TMC1: variants seen among roughly 807,000 people sequenced by gnomAD.
TMC1 encodes the protein transmembrane channel-like protein 1.
TMC1 carries 84 observed loss-of-function variants against 105.8 expected under a neutral mutation model. The observed-to-expected ratio is 0.79, with a 90% CI of 0.67 to 0.95. TMC1 has a LOEUF of 0.95. Among genes scored for constraint, TMC1 ranks in the 40% least tolerant of loss-of-function variants. The pLI, the probability that TMC1 is intolerant of heterozygous loss-of-function variation, is 0.00. For missense variants in TMC1, 817 were observed against 914.1 expected, an observed-to-expected ratio of 0.89 and a Z score of 1.37; for synonymous variants, 315 against 311.5, an observed-to-expected ratio of 1.01 and a Z score of -0.12.
chr9:72,777,246 G>T (rs1248802697), intron 13 of TMC1, among the ~76,000 whole-genome samples: 1 of 152,058 alleles, frequency 6.6e-6, no homozygotes, highest in East Asian at 1.9e-4. Flanking sequence ...CATGTCTCTT[G>T]ACATCCTTAA....
chr9:72,590,592 A>G (rs1824622619), intron 2 of TMC1, among the ~76,000 whole-genome samples: 1 of 152,208 alleles, frequency 6.6e-6, no homozygotes, highest in Admixed American at 6.5e-5. Context: ...GCTCACCTCA[A>G]AAGGTTGTTC....
chr9:72,818,857 CTTGAG>C (rs1366563280), intron 19 of TMC1: 3 of 152,006 alleles, frequency 2.0e-5, no homozygotes. Flanking sequence ...GCTTATGGCT[CTTGAG>C]TTATTTGTTT....
chr9:72,754,535 C>A (rs1042994981), intron 11 of TMC1, among the ~76,000 whole-genome samples: 2 of 152,114 alleles, frequency 1.3e-5, no homozygotes, highest in African/African-American at 4.8e-5. Flanking sequence ...CCTCAGAAAG[C>A]CCTCTGGGGA....
intron 8 of TMC1, among the ~76,000 whole-genome samples, chr9:72,723,812 T>A (rs553274121): frequency 6.6e-6 from 1 of 152,360 alleles, no homozygotes; most frequent in East Asian, 1.9e-4. Flanking sequence ...ATTTGTTTAA[T>A]CTTTCTTAGT....
chr9:72,767,264 A>G (rs964249509), intron 12 of TMC1, among the ~76,000 whole-genome samples: 1 of 152,216 alleles, frequency 6.6e-6, no homozygotes, highest in Non-Finnish European at 1.5e-5. Flanking sequence ...TACTTTATAC[A>G]TTCTTTCAAA....
At position 72,685,208 on chromosome 9, in the gene TMC1, A is replaced by C. The variant is rs545293151; in HGVS notation, c.17-3501A>C. 1.1e-4 allele frequency among the ~76,000 whole-genome samples: 15 copies of C among 135,718 alleles called. No individual in the cohort carries two copies. In the East Asian group the frequency reaches 2.7e-3, roughly 24 times the overall value. The allele number at this position is 135,718 out of a possible 152,430, so 89.0% of individuals were successfully genotyped here. A position where few individuals can be genotyped will look rare whatever the true frequency, so the allele number is the denominator to read the frequency against. On this transcript the variant is annotated intron_variant, in intron 5 of 23. Transcript: ENST00000297784. ...TGCAAGCTCCGCCTCCCGGGTTCAT[A>C]CCATTCTCCTGTTTCAGCCTCCCGA...
intron 5 of TMC1, among the ~76,000 whole-genome samples, chr9:72,664,116 A>G (rs550970820): frequency 1.4e-4 from 21 of 152,318 alleles, no homozygotes; most frequent in Non-Finnish European, 2.8e-4. Context: ...CCTTTTTTAC[A>G]AGTAGAAGGA....
chr9:72,582,687 A>G (rs7043142), intron 2 of TMC1, among the ~76,000 whole-genome samples: 68,460 of 152,084 alleles, frequency 0.45, 17,468 homozygotes, highest in African/African-American at 0.7. Flanking sequence ...TCAAAACTTA[A>G]TAACACTCTT....
chr9:72,622,148 G>A (rs1825263008), intron 3 of TMC1, among the ~76,000 whole-genome samples: 1 of 152,034 alleles, frequency 6.6e-6, no homozygotes, highest in Non-Finnish European at 1.5e-5. Context: ...GCACCTACAG[G>A]CCATCTTTCC....
intron 20 of TMC1, among the ~76,000 whole-genome samples, chr9:72,824,321 T>C (rs1419426089): frequency 3.3e-5 from 5 of 152,238 alleles, no homozygotes; most frequent in African/African-American, 1.2e-4. Flanking sequence ...TGCCTCATCA[T>C]GTGGGGCAGC....
intron 3 of TMC1, among the ~76,000 whole-genome samples, chr9:72,619,894 G>A (rs1825214471): frequency 6.6e-6 from 1 of 151,936 alleles, no homozygotes; most frequent in African/African-American, 2.4e-5. Flanking sequence ...GAGTGCAGTG[G>A]TGTGATCTCG....
intron 4 of TMC1, among the ~76,000 whole-genome samples, chr9:72,638,286 T>G (rs1825567235): frequency 6.6e-6 from 1 of 152,196 alleles, no homozygotes; most frequent in South Asian, 2.1e-4. Flanking sequence ...CACACTACAA[T>G]GTGTGCATTC....
At chr9:72,805,291 T>C in intron 17 of TMC1, 91 bp from the exon 18 acceptor site, 2 of 1,449,110 alleles carry the variant, frequency 1.4e-6, no homozygotes, top group Non-Finnish European at 1.9e-6. Context: ...TTCAAGCCAA[T>C]ACTTCTTTAG....
intron 1 of TMC1, among the ~76,000 whole-genome samples, chr9:72,556,011 C>T (rs1169246663): frequency 7.9e-6 from 1 of 126,814 alleles, no homozygotes; most frequent in Non-Finnish European, 1.6e-5. Flanking sequence ...AAAAGTTGCA[C>T]AGAGAAGAGT....
chr9:72,670,366 C>T (rs1220290578), intron 5 of TMC1, among the ~76,000 whole-genome samples: 1 of 152,030 alleles, frequency 6.6e-6, no homozygotes, highest in Non-Finnish European at 1.5e-5. Context: ...TGCTCTGATC[C>T]TAACAAAACT....
intron 8 of TMC1, among the ~76,000 whole-genome samples, chr9:72,705,016 A>C (rs142258014): frequency 2.4e-3 from 370 of 152,312 alleles, no homozygotes; most frequent in Non-Finnish European, 4.1e-3. Flanking sequence ...TCTATATTTT[A>C]TTAATCACAT....
At chr9:72,762,002 T>C (rs558089636) in intron 12 of TMC1, among the ~76,000 whole-genome samples, 1 of 152,148 alleles carries the variant, frequency 6.6e-6, no homozygotes, top group East Asian at 1.9e-4. Context: ...GCAGGAGATA[T>C]TGGGGGAGGG....
At chr9:72,569,244 G>T (rs1273228675) in intron 1 of TMC1, among the ~76,000 whole-genome samples, 2 of 151,620 alleles carry the variant, frequency 1.3e-5, no homozygotes, top group African/African-American at 4.8e-5. Flanking sequence ...ATATTGTATT[G>T]TTTAGGGAAT....
rs1378040842 is a variant in TMC1 at position 72,788,383 on chromosome 9, C to T, written c.929C>T (p.Thr310Ile). The T allele has an allele frequency of 6.2e-7, 1 of 1,614,018 alleles. No individual in the cohort carries two copies. The highest frequency in any genetic ancestry group is 8.5e-7 in the Non-Finnish European group (1 of 1,179,950). Residue 310 changes from threonine (T) to isoleucine (I), a missense_variant, in exon 14 of 24, where the codon ACT (threonine) becomes ATT (isoleucine). Thr to Ile is a moderately conservative substitution (Grantham distance 89). Coordinates refer to ENST00000297784, the MANE Select transcript of TMC1 (RefSeq NM_138691.3). ...IGDDGGGDDN[T>I]FNFSWKVFTS... ...GATGATGGAGGTGGAGATGACAACA[C>T]TTTCAATTTCAGCTGGAAGGTCTTT...
Sources: gnomAD v4.1 joint callset for allele counts (sites outside exome capture counted in the v4.1 genomes callset) on GRCh38, gnomAD v4.1.1 for gene constraint, MANE v1.5 for transcripts, NCBI Gene and HGNC (gene_info 2026-07-23, HGNC 2026-07-21) for gene names.